TMEM91: variants seen among roughly 807,000 people sequenced by gnomAD.
TMEM91 encodes transmembrane protein 91.
In TMEM91, 6 loss-of-function variants were observed where a neutral mutation model predicts 13.3. The observed-to-expected ratio is 0.45, with a 90% CI of 0.25 to 0.89. The LOEUF (loss-of-function observed/expected upper bound fraction) is 0.89, where lower values mean the gene tolerates loss of function less well. Among genes scored for constraint, TMEM91 ranks in the 40% least tolerant of loss-of-function variants. TMEM91 has a pLI of 0.19. For missense variants in TMEM91, 193 were observed against 228.7 expected (o/e 0.84, Z 1.01); for synonymous variants, 87 against 101.7 (o/e 0.86, Z 0.87).
At chr19:41,380,183 C>T (rs140664047) in intron 2 of TMEM91, among the ~76,000 whole-genome samples, 46 of 152,152 alleles carry the variant, frequency 3.0e-4, no homozygotes, top group Admixed American at 1.2e-3. Flanking sequence ...CGTGAGCCAC[C>T]GTGCCCAGCC....
At chr19:41,375,058 T>C (rs1479417914), upstream of TMEM91, among the ~76,000 whole-genome samples, 2 of 151,932 alleles carry the variant, frequency 1.3e-5, no homozygotes, top group Non-Finnish European at 2.9e-5. Context: ...AACATCACTG[T>C]ACCACGTGAC....
chr19:41,378,353 A>C lies in TMEM91; in HGVS notation c.44A>C (p.Glu15Ala). The change falls in exon 2 of 4, where the codon GAG becomes GCG. Residue 15 changes from glutamate (E) to alanine (A), a missense_variant. Glu to Ala is a moderately radical substitution (Grantham distance 107). Transcript: ENST00000392002. ...SLRELQQPLL[E>A]GTECETPAQK... ...CGTGAGCTTCAACAGCCTCTGCTGG[A>C]GGGCACAGAATGTGAGACCCCTGCC... 6.2e-7 allele frequency: 1 copy of C among 1,614,150 alleles called. No homozygotes were observed. Among genetic ancestry groups the C allele is most frequent in the East Asian group, 2.2e-5 (1 of 44,878 alleles).
chr19:41,380,986 G>A (rs2038868200), intron 2 of TMEM91, among the ~76,000 whole-genome samples: 1 of 145,318 alleles, frequency 6.9e-6, no homozygotes, highest in South Asian at 2.2e-4. Context: ...TTGGGAGGCT[G>A]AGGCAGGAGA....
intron 2 of TMEM91, 64 bp from the exon 3 acceptor site, chr19:41,382,708 G>C: frequency 7.0e-6 from 11 of 1,574,408 alleles, no homozygotes; most frequent in Non-Finnish European, 9.5e-6. Flanking sequence ...GGGCTATGGA[G>C]AGCAGAGCAA....
intron 1 of TMEM91, among the ~76,000 whole-genome samples, chr19:41,364,573 G>C (rs1040480120): frequency 2.0e-5 from 3 of 152,016 alleles, no homozygotes; most frequent in Non-Finnish European, 2.9e-5. Flanking sequence ...CTCATTCAGA[G>C]AGTGGAGAAG....
At chr19:41,383,038 C>A in intron 3 of TMEM91, 117 bp downstream of exon 3, 1 of 1,440,224 alleles carries the variant, frequency 6.9e-7, no homozygotes, top group Non-Finnish European at 9.4e-7. Context: ...AGAACCTGAA[C>A]TCAAATCCTG....
chr19:41,369,661 A>T (rs1363618330), intron 1 of TMEM91, among the ~76,000 whole-genome samples: 1 of 151,812 alleles, frequency 6.6e-6, no homozygotes, highest in Non-Finnish European at 1.5e-5. Flanking sequence ...AAAAAAAATC[A>T]GCTGAACGTG....
At chr19:41,371,631 G>A (rs1405274780), upstream of TMEM91, among the ~76,000 whole-genome samples, 2 of 151,712 alleles carry the variant, frequency 1.3e-5, no homozygotes. Context: ...TGTTGGCCAG[G>A]ATGATCTCGA....
At position 41,366,305 on chromosome 19, in the gene TMEM91, C is replaced by A. The variant is rs1024800901; in HGVS notation, c.-30+2210C>A. Among the ~76,000 whole-genome samples, 3 of 151,980 alleles carry A rather than the reference C, an allele frequency of 2.0e-5. No homozygotes were observed. The South Asian group carries it at 6.2e-4, about 32-fold the overall frequency. ...CCTTGCATTCTCTTTTCTCAAGCCCCCATTTTGTCCATCAGGAAATCTTAC... is the reference window on the plus strand; with the variant it reads ...CCTTGCATTCTCTTTTCTCAAGCCCACATTTTGTCCATCAGGAAATCTTAC... On this transcript the variant is annotated intron_variant, in intron 1 of 3. Transcript: ENST00000413014.
At chr19:41,382,168 T>C (rs1436435654) in intron 2 of TMEM91, among the ~76,000 whole-genome samples, 1 of 151,972 alleles carries the variant, frequency 6.6e-6, no homozygotes, top group Non-Finnish European at 1.5e-5. Context: ...CGCCCGGCCA[T>C]GCGGGGGCTT....
Position 41,376,696 on chromosome 19 carries a change from G to GCCCCGCCCCGT in TMEM91, c.-178_-168dup, listed in dbSNP as rs2038726653. The GCCCCGCCCCGT allele has an allele frequency of 1.3e-5, 2 of 152,230 alleles. No homozygotes were observed. Among genetic ancestry groups the GCCCCGCCCCGT allele is most frequent in the Non-Finnish European group, 2.9e-5 (2 of 68,072 alleles). 9.4% of individuals were successfully genotyped at this position (152,230 alleles called of 1,614,324 possible). A position where few individuals can be genotyped will look rare whatever the true frequency, so the allele number is the denominator to read the frequency against. ...GAGGGACAGAGCCTGGGAAGCCGTC[G>GCCCCGCCCCGT]CCCCGCCCCGTCCCCGCCCCCGCGC... On this transcript the variant is annotated 5_prime_UTR_variant, in exon 1 of 4. Transcript: ENST00000392002.
chr19:41,374,354 T>G (rs60041405), upstream of TMEM91: 1 of 152,234 alleles, frequency 6.6e-6, no homozygotes, highest in African/African-American at 2.4e-5. Context: ...AAGACGATGA[T>G]AGTCTTGTAA....
chr19:41,376,603 C>G lies in TMEM91; in HGVS notation c.-281C>G, dbSNP rs2038723013. On this transcript the variant is annotated 5_prime_UTR_variant, in exon 1 of 4. Transcript: ENST00000392002. ...GGATTCCCGCCTGCTCCCAGACCCC[C>G]GGGAGTCGTAGGAACCCGTTCCTGG... The G allele has an allele frequency of 6.6e-6, 1 of 152,236 alleles. No homozygotes were observed. The highest frequency in any genetic ancestry group is 2.4e-5 in the African/African-American group (1 of 41,444). The allele number at this position is 152,236 out of a possible 1,614,324, so 9.4% of individuals were successfully genotyped here. A position where few individuals can be genotyped will look rare whatever the true frequency, so the allele number is the denominator to read the frequency against.
chr19:41,382,654 T>C (rs2038916849), intron 2 of TMEM91, 118 bp from the exon 3 acceptor site: 1 of 1,394,108 alleles, frequency 7.2e-7, no homozygotes, highest in African/African-American at 1.4e-5. Context: ...CTTTTTTCTC[T>C]TTGTATCTCT....
intron 2 of TMEM91, 52 bp from the exon 3 acceptor site, chr19:41,382,720 G>A (rs1322018794): frequency 1.3e-6 from 2 of 1,586,824 alleles, no homozygotes; most frequent in Admixed American, 3.4e-5. Context: ...GCAGAGCAAT[G>A]GGGCAGGAAA....
At chr19:41,374,554 T>C (rs1483730121), upstream of TMEM91, 2 of 152,208 alleles carry the variant, frequency 1.3e-5, no homozygotes, top group Non-Finnish European at 2.9e-5. Flanking sequence ...ACATTTGTTG[T>C]TGCAGCAACT....
upstream of TMEM91, among the ~76,000 whole-genome samples, chr19:41,373,334 C>G (rs1051114991): frequency 6.6e-6 from 1 of 151,902 alleles, no homozygotes; most frequent in African/African-American, 2.4e-5. Context: ...AGAGCTCTCA[C>G]TGGAAGTGAA....
chr19:41,378,585 C>A, intron 2 of TMEM91, 66 bp downstream of exon 2: 2 of 1,548,994 alleles, frequency 1.3e-6, no homozygotes, highest in Non-Finnish European at 1.8e-6. Context: ...CTAAGGCCAG[C>A]ATCTGGCAGG....
rs550887191 is a variant in TMEM91 at position 41,366,488 on chromosome 19, C to T, written c.-30+2393C>T. Among the ~76,000 whole-genome samples, 148 of 152,272 alleles carry T rather than the reference C, an allele frequency of 9.7e-4. 1 individual carries two copies. The highest frequency in any genetic ancestry group is 3.4e-3 in the African/African-American group (143 of 41,560). The stretch of plus-strand genomic sequence containing the variant: ...CCTCTAGTTTGCACCCCACATGCAG[C>T]TGGAACCCTGTGAACACCTAAGTCA... On this transcript the variant is annotated intron_variant, in intron 1 of 3. Transcript: ENST00000413014.
Sources: allele counts gnomAD v4.1 joint callset (sites outside exome capture counted in the v4.1 genomes callset), GRCh38; gene constraint gnomAD v4.1.1; transcripts MANE v1.5; gene names NCBI Gene and HGNC (gene_info 2026-07-23, HGNC 2026-07-21).